ATXN10: variants seen among roughly 807,000 people sequenced by gnomAD.
The protein encoded by ATXN10 is ataxin-10.
ATXN10 carries 28 observed loss-of-function variants against 52.9 expected under a neutral mutation model. That is an observed-to-expected ratio of 0.53 (90% CI 0.39 to 0.73). The LOEUF (loss-of-function observed/expected upper bound fraction) is 0.73, where lower values mean the gene tolerates loss of function less well. ATXN10 is among the 30% of genes least tolerant of loss of function. The pLI is 0.00. For synonymous variants in ATXN10, 226 were observed against 221.5 expected, an observed-to-expected ratio of 1.02 and a Z score of -0.18; for missense variants, 565 against 577.0, an observed-to-expected ratio of 0.98 and a Z score of 0.21.
chr22:45,776,591 G>A (rs1405787311), intron 9 of ATXN10, among the ~76,000 whole-genome samples: 1 of 151,844 alleles, frequency 6.6e-6, no homozygotes, highest in Non-Finnish European at 1.5e-5. Context: ...TGAAGGCCAA[G>A]CAGCCTGGTT....
chr22:45,718,550 T>C lies in ATXN10; in HGVS notation c.728+57T>C, dbSNP rs539629318. The C allele has an allele frequency of 5.0e-6, 7 of 1,394,962 alleles. No homozygotes were observed. The highest frequency in any genetic ancestry group is 1.8e-4 in the Middle Eastern group (1 of 5,628). The allele number at this position is 1,394,962 out of a possible 1,614,324, so 86.4% of individuals were successfully genotyped here. On this transcript the variant is annotated intron_variant, in intron 6 of 11. Coordinates refer to ENST00000252934, the MANE Select transcript of ATXN10 (RefSeq NM_013236.4). This position sits in a 1 kb window ranked among gnomAD's most constrained non-coding sequence, Gnocchi z 4.4. ...TTAGCATTCCATATAGGGTATTCGA[T>C]GCACGTGACTGAAAAGCTGTGTGGT...
intron 9 of ATXN10, among the ~76,000 whole-genome samples, chr22:45,753,545 A>G (rs1399742123): frequency 6.6e-6 from 1 of 151,424 alleles, no homozygotes; most frequent in Non-Finnish European, 1.5e-5. Flanking sequence ...AGCTGGGATT[A>G]CAGGTGTGCA....
In ATXN10 at chr22:45,705,818, G is replaced by C. The variant is rs993364129; in HGVS notation, c.647+2971G>C. Reference sequence around the variant, plus strand: ...GTCTTTCTAGGAATTTGCCTGTTTGGTCTAGGCCGGGGGTCCTCCAGCCCC... The same window carrying C: ...GTCTTTCTAGGAATTTGCCTGTTTGCTCTAGGCCGGGGGTCCTCCAGCCCC... On this transcript the variant is annotated intron_variant, in intron 5 of 11. Transcript: ENST00000252934. The surrounding 1 kb of genome is among the most constrained non-coding windows in gnomAD (Gnocchi z 5.2). Among the ~76,000 whole-genome samples the C allele has an allele frequency of 7.9e-5, 12 of 152,100 alleles. No homozygotes were observed. The highest frequency in any genetic ancestry group is 1.8e-4 in the Non-Finnish European group (12 of 68,018).
rs1041760494 is a variant in ATXN10 at position 45,842,390 on chromosome 22, G to C, written c.1238-601G>C. Among the ~76,000 whole-genome samples the C allele has an allele frequency of 6.6e-6, 1 of 152,212 alleles. No homozygotes were observed. Among genetic ancestry groups the C allele is most frequent in the East Asian group, 1.9e-4 (1 of 5,200 alleles). On this transcript the variant is annotated intron_variant, in intron 10 of 11. Coordinates refer to ENST00000252934, the MANE Select transcript of ATXN10 (RefSeq NM_013236.4). This position sits in a 1 kb window ranked among gnomAD's most constrained non-coding sequence, Gnocchi z 4.8. ...AGCCCCGATGCTTTCAGGAGCCTGA[G>C]TATTCAAACTAAACACAGCAAATCC... is the stretch of plus-strand genomic sequence containing the variant.
intron 1 of ATXN10, among the ~76,000 whole-genome samples, chr22:45,682,877 C>T (rs1197470113): frequency 1.3e-5 from 2 of 152,130 alleles, no homozygotes; most frequent in East Asian, 3.9e-4. Flanking sequence ...TTCTGTTTAC[C>T]GTATCTGCTG....
intron 9 of ATXN10, among the ~76,000 whole-genome samples, chr22:45,794,131 A>G (rs991222263): frequency 2.0e-5 from 3 of 152,236 alleles, no homozygotes; most frequent in Non-Finnish European, 4.4e-5. Flanking sequence ...GTAAACTGAC[A>G]TGACATATTG....
rs182837848 is a variant in ATXN10, at chr22:45,730,654, C to A, written c.894+1064C>A. Among the ~76,000 whole-genome samples the A allele has an allele frequency of 3.0e-3, 450 of 152,336 alleles. 2 individuals are homozygous for A. The highest frequency in any genetic ancestry group is 8.9e-3 in the South Asian group (43 of 4,832). On this transcript the variant is annotated intron_variant, in intron 7 of 11. Coordinates refer to ENST00000252934, the MANE Select transcript of ATXN10 (RefSeq NM_013236.4). ...GTTTCGGCATATTGGCCAGGCTGGT[C>A]TTGAACTCCTGACTTCATGTGATCT...
rs934426465 is a variant in ATXN10, at chr22:45,715,440, C to T, written c.648-2973C>T. Among the ~76,000 whole-genome samples, 13 of 152,186 alleles carry T rather than the reference C, an allele frequency of 8.5e-5. No homozygotes were observed. Among genetic ancestry groups the T allele is most frequent in the African/African-American group, 3.1e-4 (13 of 41,448 alleles). On this transcript the variant is annotated intron_variant, in intron 5 of 11. Coordinates refer to ENST00000252934, the MANE Select transcript of ATXN10 (RefSeq NM_013236.4). This position sits in a 1 kb window ranked among gnomAD's most constrained non-coding sequence, Gnocchi z 4.4. ...ATGATATGGATCAAGTTTGTCCAAC[C>T]TGCAGGCCGCATGCAGCCCAGGATG...
intron 7 of ATXN10, among the ~76,000 whole-genome samples, chr22:45,738,302 C>G (rs940276367): frequency 2.6e-5 from 4 of 152,066 alleles, no homozygotes; most frequent in Admixed American, 6.5e-5. Context: ...TTTCTGTGGA[C>G]AAGAAATTAA....
chr22:45,682,253 CA>C (rs1313455197), intron 1 of ATXN10, among the ~76,000 whole-genome samples: 1 of 152,134 alleles, frequency 6.6e-6, no homozygotes, highest in Non-Finnish European at 1.5e-5. Flanking sequence ...AGAGTATTCT[CA>C]CTCAATCTTG....
intron 10 of ATXN10, among the ~76,000 whole-genome samples, chr22:45,810,813 A>G (rs1569074438): frequency 6.6e-6 from 1 of 152,070 alleles, no homozygotes; most frequent in Non-Finnish European, 1.5e-5. Context: ...AACAGTTGAG[A>G]ATTGTTCAGT....
At chr22:45,673,241 T>C (rs917210603) in intron 1 of ATXN10, 4 of 152,376 alleles carry the variant, frequency 2.6e-5, no homozygotes, top group African/African-American at 7.2e-5. Flanking sequence ...TGCTCTCTCC[T>C]GTACTAGTAT....
rs185034316 is a variant in ATXN10, at chr22:45,821,174, C to T, written c.1237+14152C>T. On this transcript the variant is annotated intron_variant, in intron 10 of 11. Transcript: ENST00000252934. Reference sequence around the variant, plus strand: ...TTTTTTGAGAGAAGCCAAAGTGTATCAGAATCAAAACTACTTCCTTTGTGT... The same window carrying T: ...TTTTTTGAGAGAAGCCAAAGTGTATTAGAATCAAAACTACTTCCTTTGTGT... Among the ~76,000 whole-genome samples, 7 of 152,200 alleles carry T rather than the reference C, an allele frequency of 4.6e-5. No individual in the cohort carries two copies. In the East Asian group the frequency reaches 1.2e-3, roughly 25 times the overall value.
intron 9 of ATXN10, among the ~76,000 whole-genome samples, chr22:45,753,377 CTTTTTTTTTTTTTTTTTTTTTTTTTTT>C (rs71190680): frequency 2.8e-4 from 16 of 57,812 alleles, no homozygotes; most frequent in South Asian, 6.9e-4. Flanking sequence ...CTCTTACCAG[CTTTTTTTTTTTTTTTTTTTTTTTTTTT>C]TTTTTTTTTT....
Position 45,843,859 on chromosome 22 carries a change from T to C in ATXN10, c.*188T>C. The C allele has an allele frequency of 1.6e-6, 1 of 633,174 alleles. No homozygotes were observed. The highest frequency in any genetic ancestry group is 2.8e-5 in the East Asian group (1 of 36,336). 39.2% of individuals were successfully genotyped at this position (633,174 alleles called of 1,614,324 possible). A position where few individuals can be genotyped will look rare whatever the true frequency, so the allele number is the denominator to read the frequency against. On this transcript the variant is annotated 3_prime_UTR_variant, in exon 12 of 12. Transcript: ENST00000252934. This position sits in a 1 kb window ranked among gnomAD's most constrained non-coding sequence, Gnocchi z 4.5. ...AGTAACTGAGTGTTCTCTTGTTTCT[T>C]TGCATTAATGTAACTGTGTGGTTTG...
intron 9 of ATXN10, among the ~76,000 whole-genome samples, chr22:45,796,260 T>C (rs1401861789): frequency 6.6e-6 from 1 of 152,244 alleles, no homozygotes; most frequent in Non-Finnish European, 1.5e-5. Context: ...AATTCCAGCC[T>C]GGCGAATTCT....
chr22:45,739,088 C>T (rs2053768153), intron 8 of ATXN10, among the ~76,000 whole-genome samples: 1 of 152,098 alleles, frequency 6.6e-6, no homozygotes, highest in African/African-American at 2.4e-5. Context: ...GATAACAATG[C>T]CTGTTATGCA....
Position 45,844,780 on chromosome 22 carries a change from G to GAACCTTCCA in ATXN10, c.*1112_*1120dup, listed in dbSNP as rs2146924130. The GAACCTTCCA allele has an allele frequency of 6.6e-6, 1 of 152,228 alleles. No individual in the cohort carries two copies. Among genetic ancestry groups the GAACCTTCCA allele is most frequent in the East Asian group, 1.9e-4 (1 of 5,186 alleles). The allele number at this position is 152,228 out of a possible 1,614,324, so 9.4% of individuals were successfully genotyped here. On this transcript the variant is annotated 3_prime_UTR_variant, in exon 12 of 12. Coordinates refer to ENST00000252934, the MANE Select transcript of ATXN10 (RefSeq NM_013236.4). ...CCAGAGATTTTGCACAATTCGTGTT[G>GAACCTTCCA]AACCTTCCAAAACAAAAATAAAGAC...
chr22:45,778,641 TA>T (rs1249161844), intron 9 of ATXN10, among the ~76,000 whole-genome samples: 1 of 152,114 alleles, frequency 6.6e-6, no homozygotes, highest in Admixed American at 6.5e-5. Flanking sequence ...ACAATTAGCC[TA>T]AAAAAGAGAG....
Sources: allele counts gnomAD v4.1 joint callset (sites outside exome capture counted in the v4.1 genomes callset), GRCh38; gene constraint gnomAD v4.1.1; non-coding constraint Gnocchi (gnomAD v3.1); transcripts MANE v1.5; gene names NCBI Gene and HGNC (gene_info 2026-07-23, HGNC 2026-07-21).